The following MME variants were observed in gnomAD, a reference collection of about 807,000 sequenced individuals.
MME encodes neprilysin.
MME carries 98 observed loss-of-function variants against 113.2 expected under a neutral mutation model. That is an observed-to-expected ratio of 0.87 (90% CI 0.74 to 1.02). MME has a LOEUF of 1.02. MME is among the 50% of genes least tolerant of loss of function. The pLI, the probability that MME is intolerant of heterozygous loss-of-function variation, is 0.00. For missense variants in MME, 836 were observed against 896.0 expected, an observed-to-expected ratio of 0.93 and a Z score of 0.86; for synonymous variants, 292 against 300.6, an observed-to-expected ratio of 0.97 and a Z score of 0.30.
At chr3:155,035,557 CA>C (rs2108116469) in intron 1 of MME, among the ~76,000 whole-genome samples, 1 of 152,044 alleles carries the variant, frequency 6.6e-6, no homozygotes, top group African/African-American at 2.4e-5. Context: ...ATGAAATGGT[CA>C]GGGAAGGCTT....
chr3:155,162,107 T>C (rs1386652214), intron 17 of MME, among the ~76,000 whole-genome samples: 1 of 152,324 alleles, frequency 6.6e-6, no homozygotes, highest in African/African-American at 2.4e-5. Context: ...GAATAAGGGA[T>C]GCAGCTTCAT....
At chr3:155,119,921 T>G (rs1257888237) in intron 8 of MME, among the ~76,000 whole-genome samples, 1 of 79,762 alleles carries the variant, frequency 1.3e-5, no homozygotes, top group African/African-American at 5.1e-5. Flanking sequence ...GTCATTTGGG[T>G]ATATACCCAG....
At chr3:155,046,609 G>T (rs2108124941) in intron 1 of MME, among the ~76,000 whole-genome samples, 1 of 152,300 alleles carries the variant, frequency 6.6e-6, no homozygotes, top group South Asian at 2.1e-4. Flanking sequence ...AGAATCGCTT[G>T]AACCCAGGAG....
At chr3:155,175,514 A>G (rs1003235386) in intron 22 of MME, among the ~76,000 whole-genome samples, 4 of 151,864 alleles carry the variant, frequency 2.6e-5, no homozygotes, top group Admixed American at 6.6e-5. Flanking sequence ...TTATTATAAT[A>G]TTTATATGTA....
intron 3 of MME, among the ~76,000 whole-genome samples, chr3:155,097,170 T>C (rs1444188536): frequency 1.3e-5 from 2 of 152,078 alleles, no homozygotes; most frequent in African/African-American, 4.8e-5. Context: ...TAGTTTAAAT[T>C]TGAGATACTG....
intron 1 of MME, among the ~76,000 whole-genome samples, chr3:155,027,940 A>G (rs530751656): frequency 4.6e-5 from 7 of 152,340 alleles, no homozygotes; most frequent in South Asian, 4.1e-4. Flanking sequence ...CATCAGCACA[A>G]TCAAATAGAG....
intron 13 of MME, among the ~76,000 whole-genome samples, chr3:155,143,799 A>G (rs1039237328): frequency 1.3e-5 from 2 of 152,028 alleles, no homozygotes; most frequent in Admixed American, 6.6e-5. Flanking sequence ...CCAACTCACC[A>G]TTTTCCAGAA....
rs547798369 is a variant in MME, at chr3:155,062,565, A to G, written c.-10-21593A>G. Among the ~76,000 whole-genome samples the G allele has an allele frequency of 2.6e-5, 4 of 152,328 alleles. No homozygotes were observed. The South Asian group carries it at 8.3e-4, about 32-fold the overall frequency. ...ATTTTACATACAATTTCCAACATTC[A>G]GTCAAAAATAACAAGGCACATGAGA... is the stretch of plus-strand genomic sequence containing the variant. On this transcript the variant is annotated intron_variant, in intron 1 of 22. Coordinates refer to the MME transcript ENST00000492661.
At chr3:155,049,365 G>A (rs1713674890) in intron 1 of MME, among the ~76,000 whole-genome samples, 1 of 152,074 alleles carries the variant, frequency 6.6e-6, no homozygotes, top group Non-Finnish European at 1.5e-5. Context: ...TGTACAGACT[G>A]GAGTGATACA....
At chr3:155,068,601 G>A (rs746584683) in intron 1 of MME, among the ~76,000 whole-genome samples, 3 of 152,042 alleles carry the variant, frequency 2.0e-5, no homozygotes, top group Non-Finnish European at 4.4e-5. Context: ...ATTCTAACAG[G>A]CCTAGCATAG....
rs977007899 is a variant in MME, at chr3:155,181,724, A to G, written c.*1265A>G. ...AAGAACTGTTTACTGCTTGATAGGA[A>G]TTCATCTTTTGAGGCTTCTGTTCCT... is the stretch of plus-strand genomic sequence containing the variant. On this transcript the variant is annotated 3_prime_UTR_variant, in exon 23 of 23. Coordinates refer to ENST00000360490, the MANE Select transcript of MME (RefSeq NM_007289.4). 6.6e-6 allele frequency: 1 copy of G among 152,092 alleles called. No homozygotes were observed. The highest frequency in any genetic ancestry group is 2.4e-5 in the African/African-American group (1 of 41,432). 9.4% of individuals were successfully genotyped at this position (152,092 alleles called of 1,614,324 possible). A position where few individuals can be genotyped will look rare whatever the true frequency, so the allele number is the denominator to read the frequency against.
intron 1 of MME, among the ~76,000 whole-genome samples, chr3:155,057,690 AT>A (rs11398419): frequency 0.015 from 2,058 of 134,818 alleles, 25 homozygotes; most frequent in African/African-American, 0.037. Context: ...TCTGGCATTC[AT>A]TTTTTTTTTT....
intron 10 of MME, among the ~76,000 whole-genome samples, chr3:155,140,604 A>T (rs1378057023): frequency 6.6e-6 from 1 of 151,750 alleles, no homozygotes; most frequent in South Asian, 2.1e-4. Context: ...TTTAGTAGAG[A>T]TGAGGTTTGG....
intron 1 of MME, among the ~76,000 whole-genome samples, chr3:155,027,503 TAC>T (rs1712826375): frequency 6.6e-6 from 1 of 152,244 alleles, no homozygotes; most frequent in Admixed American, 6.5e-5. Flanking sequence ...CCTCAGCACA[TAC>T]AGAGTGCCAG....
At chr3:155,098,235 A>C (rs1716900621) in intron 3 of MME, among the ~76,000 whole-genome samples, 1 of 152,096 alleles carries the variant, frequency 6.6e-6, no homozygotes, top group Non-Finnish European at 1.5e-5. Flanking sequence ...CACTGGACAG[A>C]AGATATAAAA....
chr3:155,143,732 C>T (rs1198303482), intron 13 of MME, among the ~76,000 whole-genome samples, 161 bp downstream of exon 13: 1 of 152,116 alleles, frequency 6.6e-6, no homozygotes, highest in Non-Finnish European at 1.5e-5. Flanking sequence ...TAAATCTTCC[C>T]TTGCCTTCCC....
chr3:155,115,120 A>T lies in MME; in HGVS notation c.323A>T (p.Asp108Val). The change falls in exon 4 of 23, where the codon GAC (aspartate) becomes GTC (valine). Residue 108 changes from aspartate to valine, a missense_variant. Physicochemically the swap from Asp to Val is radical, Grantham distance 152 (BLOSUM62 -3). Coordinates refer to ENST00000360490, the MANE Select transcript of MME (RefSeq NM_007289.4). ...PETSSRYGNFDILRDELEVVL... is the reference protein window; with the variant it reads ...PETSSRYGNFVILRDELEVVL... The stretch of plus-strand genomic sequence containing the variant: ...ACCAGCTCCCGTTACGGCAACTTTG[A>T]CATTTTAAGAGATGAACTAGAAGTC... 1 of 1,614,132 alleles carries T rather than the reference A, an allele frequency of 6.2e-7. No homozygotes were observed. The highest frequency in any genetic ancestry group is 2.2e-5 in the East Asian group (1 of 44,860).
chr3:155,153,212 A>G (rs1722066418), intron 16 of MME, among the ~76,000 whole-genome samples: 1 of 152,002 alleles, frequency 6.6e-6, no homozygotes, highest in Non-Finnish European at 1.5e-5. Flanking sequence ...GTTTTAGTAG[A>G]GACGGGGCTT....
At chr3:155,063,529 A>AT (rs1348066604) in intron 1 of MME, among the ~76,000 whole-genome samples, 3,591 of 117,666 alleles carry the variant, frequency 0.031, 81 homozygotes, top group Non-Finnish European at 0.047. Context: ...ATATATTAAA[A>AT]ATATATATTT....
Sources: gnomAD v4.1 joint callset for allele counts (sites outside exome capture counted in the v4.1 genomes callset) on GRCh38, gnomAD v4.1.1 for gene constraint, MANE v1.5 for transcripts, NCBI Gene and HGNC (gene_info 2026-07-23, HGNC 2026-07-21) for gene names.